The following RASEF variants were observed in gnomAD, a reference collection of about 807,000 sequenced individuals.
The protein encoded by RASEF is ras and EF-hand domain-containing protein.
A neutral mutation model predicts 90.1 loss-of-function variants in RASEF; 68 were observed. The ratio of observed to expected loss-of-function variants is 0.75; its 90% CI spans 0.62 to 0.92. RASEF has a LOEUF of 0.92. Among genes scored for constraint, RASEF ranks in the 40% least tolerant of loss-of-function variants. The pLI is 0.00. For missense variants in RASEF, 949 were observed against 937.2 expected (o/e 1.01, Z -0.16); for synonymous variants, 331 against 345.2 (o/e 0.96, Z 0.46).
the RASEF span, among the ~76,000 whole-genome samples, chr9:83,198,899 C>G: frequency 6.6e-6 from 1 of 151,970 alleles, no homozygotes; most frequent in Non-Finnish European, 1.5e-5. Flanking sequence ...GAAAGAAATA[C>G]AAATCTTAAA....
intron 4 of RASEF, among the ~76,000 whole-genome samples, chr9:83,014,138 C>T (rs1431878955): frequency 6.6e-6 from 1 of 152,132 alleles, no homozygotes; most frequent in Non-Finnish European, 1.5e-5. Context: ...TTCGTCTGTT[C>T]AATTCTGTAA....
the RASEF span, among the ~76,000 whole-genome samples, chr9:83,184,223 G>A: frequency 6.6e-5 from 10 of 152,168 alleles, no homozygotes; most frequent in African/African-American, 2.4e-4. Flanking sequence ...TTACTAAGTG[G>A]TGGGTAGCAT....
chr9:83,111,019 G>T, the RASEF span, among the ~76,000 whole-genome samples: 1 of 152,186 alleles, frequency 6.6e-6, no homozygotes, highest in Non-Finnish European at 1.5e-5. Flanking sequence ...CATAAAGCCT[G>T]CAGATGCTGG....
the RASEF span, among the ~76,000 whole-genome samples, chr9:83,092,019 T>TC: frequency 2.1e-5 from 3 of 142,344 alleles, no homozygotes; most frequent in Non-Finnish European, 4.6e-5. Context: ...TTTTTTTTTT[T>TC]TTTTTTTTTT....
the RASEF span, among the ~76,000 whole-genome samples, chr9:83,077,030 T>C: frequency 3.9e-5 from 6 of 152,226 alleles, no homozygotes; most frequent in African/African-American, 1.4e-4. Context: ...TTTCTGCTAT[T>C]GGAAAGGTCA....
the RASEF span, among the ~76,000 whole-genome samples, chr9:83,117,553 C>T: frequency 6.6e-6 from 1 of 152,172 alleles, no homozygotes; most frequent in African/African-American, 2.4e-5. Flanking sequence ...ACATGGGTCT[C>T]TAATGCCACC....
chr9:83,140,565 A>C, the RASEF span, among the ~76,000 whole-genome samples: 2 of 152,190 alleles, frequency 1.3e-5, no homozygotes, highest in South Asian at 4.1e-4. Flanking sequence ...CTTAGTGGAC[A>C]GTGAGAGAAT....
the RASEF span, among the ~76,000 whole-genome samples, chr9:83,188,760 C>A: frequency 6.6e-6 from 1 of 152,094 alleles, no homozygotes; most frequent in Non-Finnish European, 1.5e-5. Context: ...GTTTGGAAAC[C>A]AAAATGAAAA....
chr9:83,183,019 T>A, the RASEF span, among the ~76,000 whole-genome samples: 10 of 151,918 alleles, frequency 6.6e-5, no homozygotes, highest in Non-Finnish European at 1.3e-4. Flanking sequence ...GGGTGAAGGG[T>A]GGGATAGACT....
At chr9:82,987,533 C>T (rs1222497237) in intron 16 of RASEF, among the ~76,000 whole-genome samples, 3 of 151,864 alleles carry the variant, frequency 2.0e-5, no homozygotes. Context: ...AGGGCCAACA[C>T]GTGGCTGACC....
At chr9:83,153,763 G>C in the RASEF span, among the ~76,000 whole-genome samples, 1 of 152,190 alleles carries the variant, frequency 6.6e-6, no homozygotes, top group African/African-American at 2.4e-5. Flanking sequence ...GAAACAAAAA[G>C]ATAAAACTCC....
chr9:83,206,917 T>C, the RASEF span, among the ~76,000 whole-genome samples: 1 of 152,136 alleles, frequency 6.6e-6, no homozygotes, highest in Non-Finnish European at 1.5e-5. Context: ...GCCTTACTCC[T>C]GCTCCCATCT....
At chr9:82,994,897 C>T (rs1180318158) in intron 14 of RASEF, among the ~76,000 whole-genome samples, 2 of 152,196 alleles carry the variant, frequency 1.3e-5, no homozygotes, top group African/African-American at 4.8e-5. Flanking sequence ...AATCCTCTGG[C>T]TTACCCCAAT....
chr9:83,137,858 A>AT, the RASEF span, among the ~76,000 whole-genome samples: 1 of 151,724 alleles, frequency 6.6e-6, no homozygotes, highest in Non-Finnish European at 1.5e-5. Flanking sequence ...AAAGGAAGGG[A>AT]GAGATGGATG....
Position 83,021,751 on chromosome 9 carries a change from T to G in RASEF, c.669+585A>C, listed in dbSNP as rs182255361. ...ATGATTTAAAGTATACTAGAGGATA[T>G]ACATAGGTTGTATGTAAATATACAC... is the stretch of plus-strand genomic sequence containing the variant. On this transcript the variant is annotated intron_variant, in intron 3 of 16. Transcript: ENST00000376447. 5.2e-3 allele frequency among the ~76,000 whole-genome samples: 787 copies of G among 152,326 alleles called. 8 individuals carry two copies. The highest frequency in any genetic ancestry group is 0.018 in the African/African-American group (731 of 41,568).
the RASEF span, among the ~76,000 whole-genome samples, chr9:83,190,393 C>T: frequency 6.6e-6 from 1 of 152,058 alleles, no homozygotes; most frequent in African/African-American, 2.4e-5. Context: ...CTATTTCGTT[C>T]TAGTGGATCA....
At chr9:83,173,782 A>G in the RASEF span, among the ~76,000 whole-genome samples, 4 of 151,770 alleles carry the variant, frequency 2.6e-5, no homozygotes, top group Non-Finnish European at 4.4e-5. Flanking sequence ...TTTTCCTGAA[A>G]GTTCTTGATG....
chr9:83,067,776 G>A (rs1300606675), upstream of RASEF, among the ~76,000 whole-genome samples: 2 of 152,182 alleles, frequency 1.3e-5, no homozygotes, highest in African/African-American at 2.4e-5. Flanking sequence ...ATTTTGTGAT[G>A]ACTAAGCAAA....
At chr9:83,027,573 C>T (rs1167357223) in intron 1 of RASEF, among the ~76,000 whole-genome samples, 1 of 152,138 alleles carries the variant, frequency 6.6e-6, no homozygotes, top group Non-Finnish European at 1.5e-5. Flanking sequence ...TGACAGTCCT[C>T]ATAGTTATTA....
Sources: allele counts gnomAD v4.1 joint callset (sites outside exome capture counted in the v4.1 genomes callset), GRCh38; gene constraint gnomAD v4.1.1; transcripts MANE v1.5; gene names NCBI Gene and HGNC (gene_info 2026-07-23, HGNC 2026-07-21).